KIF13A: variants seen among roughly 807,000 people sequenced by gnomAD.
KIF13A encodes the protein kinesin family member 13A, also known as kinesin-like protein KIF13A.
KIF13A carries 79 observed loss-of-function variants against 212.2 expected under a neutral mutation model. That is an observed-to-expected ratio of 0.37 (90% CI 0.31 to 0.45). The LOEUF (loss-of-function observed/expected upper bound fraction) is 0.45, where lower values mean the gene tolerates loss of function less well. Among genes scored for constraint, KIF13A ranks in the 20% least tolerant of loss-of-function variants. The pLI is 1.00. For missense variants in KIF13A, 1,901 were observed against 2,209.0 expected, an observed-to-expected ratio of 0.86 and a Z score of 2.79; for synonymous variants, 789 against 808.6, an observed-to-expected ratio of 0.98 and a Z score of 0.41.
intron 2 of KIF13A, among the ~76,000 whole-genome samples, chr6:17,936,013 C>T (rs1776428176): frequency 6.6e-6 from 1 of 152,078 alleles, no homozygotes; most frequent in South Asian, 2.1e-4. Flanking sequence ...GAGAAAAAAG[C>T]CCACACTGAC....
intron 20 of KIF13A, among the ~76,000 whole-genome samples, chr6:17,804,056 G>A (rs1438403489): frequency 2.6e-5 from 4 of 152,206 alleles, no homozygotes; most frequent in African/African-American, 4.8e-5. Context: ...GGAGGCTGAG[G>A]CAAGAGAATG....
intron 2 of KIF13A, among the ~76,000 whole-genome samples, chr6:17,975,194 AT>A (rs1242784591): frequency 6.6e-6 from 1 of 152,208 alleles, no homozygotes; most frequent in Non-Finnish European, 1.5e-5. Context: ...AAATAAAAAA[AT>A]AAAAAAAAAC....
At chr6:17,956,489 G>T (rs1043268711) in intron 2 of KIF13A, among the ~76,000 whole-genome samples, 1 of 152,184 alleles carries the variant, frequency 6.6e-6, no homozygotes, top group Non-Finnish European at 1.5e-5. Context: ...AACCCAATAT[G>T]CAAGAGATTT....
At chr6:17,935,811 G>A (rs1399597380) in intron 2 of KIF13A, among the ~76,000 whole-genome samples, 3 of 152,114 alleles carry the variant, frequency 2.0e-5, no homozygotes, top group African/African-American at 7.2e-5. Context: ...TAGTACAAAT[G>A]AAGCTCTTAA....
At chr6:17,767,626 A>C (rs192860256) in intron 38 of KIF13A, among the ~76,000 whole-genome samples, 139 of 152,358 alleles carry the variant, frequency 9.1e-4, no homozygotes, top group Non-Finnish European at 1.8e-3. Context: ...CAATTCTCCA[A>C]GTCCAAGCAT....
At chr6:17,821,588 T>TGTGTGTGTG (rs11270201) in intron 16 of KIF13A, among the ~76,000 whole-genome samples, 34 of 146,302 alleles carry the variant, frequency 2.3e-4, no homozygotes, top group Middle Eastern at 3.6e-3. Flanking sequence ...TGTGTGTGTG[T>TGTGTGTGTG]TGGGGGTGGG....
chr6:17,823,382 G>C (rs1207730672), intron 16 of KIF13A, among the ~76,000 whole-genome samples: 1 of 150,804 alleles, frequency 6.6e-6, no homozygotes, highest in Non-Finnish European at 1.5e-5. Context: ...AGTCTGGCTG[G>C]CTGGCTGTCT....
chr6:17,910,803 C>G (rs990664211), intron 2 of KIF13A, among the ~76,000 whole-genome samples: 1 of 152,164 alleles, frequency 6.6e-6, no homozygotes, highest in Admixed American at 6.5e-5. Context: ...CGCTCTGTTG[C>G]CCAGGCTGGA....
chr6:17,815,364 G>A (rs931309293), intron 17 of KIF13A, among the ~76,000 whole-genome samples: 3 of 152,170 alleles, frequency 2.0e-5, no homozygotes, highest in African/African-American at 4.8e-5. Flanking sequence ...AGAGGTGGTG[G>A]AGCAGAGTCT....
chr6:17,940,226 A>T (rs1776841040), intron 2 of KIF13A, among the ~76,000 whole-genome samples: 4 of 151,140 alleles, frequency 2.6e-5, no homozygotes, highest in Admixed American at 2.6e-4. Flanking sequence ...ACTGTTTTGA[A>T]GGTACATCAG....
chr6:17,958,646 T>C (rs1458979070), intron 2 of KIF13A, among the ~76,000 whole-genome samples: 1 of 152,230 alleles, frequency 6.6e-6, no homozygotes, highest in African/African-American at 2.4e-5. Context: ...TGTTTCAAAT[T>C]TGACAGTTTT....
At chr6:17,964,315 A>C (rs1272462753) in intron 2 of KIF13A, among the ~76,000 whole-genome samples, 1 of 152,212 alleles carries the variant, frequency 6.6e-6, no homozygotes, top group Non-Finnish European at 1.5e-5. Context: ...ATAATCAGAA[A>C]AGCCCAAGTT....
intron 9 of KIF13A, among the ~76,000 whole-genome samples, chr6:17,847,197 G>A (rs1442004128): frequency 6.6e-6 from 1 of 152,158 alleles, no homozygotes; most frequent in Non-Finnish European, 1.5e-5. Flanking sequence ...CGGCAGGCAT[G>A]GCCCAGCACT....
At chr6:17,975,086 G>A (rs934214887) in intron 2 of KIF13A, among the ~76,000 whole-genome samples, 11 of 152,170 alleles carry the variant, frequency 7.2e-5, no homozygotes, top group African/African-American at 2.7e-4. Flanking sequence ...GTTCACACCT[G>A]TAATCCCAGA....
chr6:17,967,097 G>A lies in KIF13A; in HGVS notation c.146+19957C>T, dbSNP rs1779395111. Reference sequence around the variant, plus strand: ...CACTTTCTCAGGGGAAAAGTAATCCGAGGAGATAAAAACTTTGGTGAAGGA... The same window carrying A: ...CACTTTCTCAGGGGAAAAGTAATCCAAGGAGATAAAAACTTTGGTGAAGGA... On this transcript the variant is annotated intron_variant, in intron 2 of 38. Transcript: ENST00000259711. This position sits in a 1 kb window ranked among gnomAD's most constrained non-coding sequence, Gnocchi z 4.1. Among the ~76,000 whole-genome samples, 1 of 152,166 alleles carries A rather than the reference G, an allele frequency of 6.6e-6. No individual in the cohort carries two copies. Among genetic ancestry groups the A allele is most frequent in the Non-Finnish European group, 1.5e-5 (1 of 68,020 alleles).
At chr6:17,845,351 C>T (rs1040359217) in intron 9 of KIF13A, among the ~76,000 whole-genome samples, 1 of 152,132 alleles carries the variant, frequency 6.6e-6, no homozygotes, top group Non-Finnish European at 1.5e-5. Context: ...AAATACCATG[C>T]TTACAAGTTA....
At chr6:17,965,493 G>C (rs1247137496) in intron 2 of KIF13A, among the ~76,000 whole-genome samples, 1 of 152,134 alleles carries the variant, frequency 6.6e-6, no homozygotes, top group Non-Finnish European at 1.5e-5. Flanking sequence ...ATGCAGAAAT[G>C]GTTCTCCAAT....
At chr6:17,889,701 G>A (rs373119510) in intron 3 of KIF13A, among the ~76,000 whole-genome samples, 3 of 152,106 alleles carry the variant, frequency 2.0e-5, no homozygotes, top group East Asian at 1.9e-4. Context: ...AGCCCCTGAG[G>A]ACACCAAAAT....
Position 17,968,561 on chromosome 6 carries a change from T to C in KIF13A, c.146+18493A>G, listed in dbSNP as rs985021703. Among the ~76,000 whole-genome samples the C allele has an allele frequency of 6.6e-6, 1 of 152,178 alleles. No homozygotes were observed. Among genetic ancestry groups the C allele is most frequent in the East Asian group, 1.9e-4 (1 of 5,176 alleles). On this transcript the variant is annotated intron_variant, in intron 2 of 38. Transcript: ENST00000259711. This position sits in a 1 kb window ranked among gnomAD's most constrained non-coding sequence, Gnocchi z 4.7. ...TGCCTAGGATAGAATTCTCTTCCAC[T>C]AGTTACCTGCATAGAATCTGCAGCT...
Sources: gnomAD v4.1 joint callset for allele counts (sites outside exome capture counted in the v4.1 genomes callset) on GRCh38, gnomAD v4.1.1 for gene constraint, Gnocchi (gnomAD v3.1) non-coding constraint, MANE v1.5 for transcripts, NCBI Gene and HGNC (gene_info 2026-07-23, HGNC 2026-07-21) for gene names.